The following JAG2 variants were observed in gnomAD, a reference collection of about 807,000 sequenced individuals.
JAG2 encodes jagged canonical Notch ligand 2.
In JAG2, 46 loss-of-function variants were observed where a neutral mutation model predicts 141.7. The ratio of observed to expected loss-of-function variants is 0.32; its 90% confidence interval spans 0.26 to 0.42. The LOEUF is 0.42. Among genes scored for constraint, JAG2 ranks in the 10% least tolerant of loss-of-function variants. The probability of loss-of-function intolerance (pLI) is 1.00; values close to 1 mark genes in which losing one functional copy is unlikely to be tolerated. For missense variants in JAG2, 1,500 were observed against 1,817.5 expected (o/e 0.83, Z 3.18); for synonymous variants, 862 against 763.5 (o/e 1.13, Z -2.13).
At chr14:105,153,892 G>A (rs773908003) in intron 5 of JAG2, among the ~76,000 whole-genome samples, 2 of 152,020 alleles carry the variant, frequency 1.3e-5, no homozygotes, top group African/African-American at 2.4e-5. Flanking sequence ...TGGGCCAGGC[G>A]AGGGTGAGTG....
At chr14:105,152,350 G>A (rs1595180170) in intron 5 of JAG2, 59 bp from the exon 6 acceptor site, 2 of 1,578,394 alleles carry the variant, frequency 1.3e-6, no homozygotes, top group East Asian at 2.3e-5. Context: ...AAGGGTGGCA[G>A]GGGAGCCAGG....
chr14:105,148,012 CAGGTGT>C, intron 17 of JAG2, 98 bp downstream of exon 17: 1 of 1,136,114 alleles, frequency 8.8e-7, no homozygotes, highest in Non-Finnish European at 1.3e-6. Flanking sequence ...GGGCAGGTGG[CAGGTGT>C]GGCCCTCAAA....
At chr14:105,151,592 G>C (rs1208626917) in intron 8 of JAG2, 34 bp downstream of exon 8, 1 of 1,528,944 alleles carries the variant, frequency 6.5e-7, no homozygotes, top group Non-Finnish European at 8.9e-7. Context: ...ACTGATACTA[G>C]GCAGGAGTCC....
In JAG2 at chr14:105,156,005, G is replaced by C; in HGVS notation, c.476-16C>G. ...AGCAGCTCCTCTTGGGGAGGCGGCA[G>C]AGTCAGCACAGGCCAGAGAAACCAG... On this transcript the variant is annotated splice_polypyrimidine_tract_variant and intron_variant, in intron 3 of 25. Transcript: ENST00000331782. The C allele has an allele frequency of 6.3e-7, 1 of 1,599,922 alleles. No individual in the cohort carries two copies. The highest frequency in any genetic ancestry group is 1.3e-5 in the African/African-American group (1 of 75,018).
rs200911938 is a variant in JAG2, at chr14:105,149,067, G to A, written c.1776C>T (p.Asp592=). The change falls in exon 14 of 26, where the codon GAC becomes GAT. Residue 592 remains aspartate, a synonymous_variant. Transcript: ENST00000331782. ...ACRVIDGCGS[D]AGPGMPGTAA... is the part of the protein sequence containing the mutation. Reference sequence around the variant, plus strand: ...CTGTGCCAGGCATCCCAGGCCCCGCGTCTGACCCGCAGCCATCGATCACTA... The same window carrying A: ...CTGTGCCAGGCATCCCAGGCCCCGCATCTGACCCGCAGCCATCGATCACTA... The A allele has an allele frequency of 2.4e-5, 38 of 1,609,654 alleles. No individual in the cohort carries two copies. Among genetic ancestry groups the A allele is most frequent in the East Asian group, 1.1e-4 (5 of 44,742 alleles).
intron 2 of JAG2, among the ~76,000 whole-genome samples, chr14:105,164,048 C>T (rs1888837492): frequency 6.6e-6 from 1 of 152,034 alleles, no homozygotes; most frequent in South Asian, 2.1e-4. Context: ...CCAGGAGGGC[C>T]CCTGAGAGCA....
Position 105,143,604 on chromosome 14 carries a change from C to G in JAG2, c.3119G>C (p.Ser1040Thr). ...FSPARDLPDSSLIQGAAHAIV... is the reference protein window; with the variant it reads ...FSPARDLPDSTLIQGAAHAIV... ...GGCGTGGGCCGCGCCCTGGATCAGGCTGCTGTCAGGCAGGTCCCTGGCAGG... is the reference window on the plus strand; with the variant it reads ...GGCGTGGGCCGCGCCCTGGATCAGGGTGCTGTCAGGCAGGTCCCTGGCAGG... The change falls in exon 25 of 26, where the codon AGC (serine) becomes ACC (threonine). Residue 1040 changes from serine to threonine, a missense_variant. Ser to Thr is a moderately conservative substitution (Grantham distance 58). Around this residue, in one of 3 missense-constraint regions of JAG2, gnomAD observed 425 missense variants for 441.0 expected, o/e 0.96. Transcript: ENST00000331782. 6.2e-7 allele frequency: 1 copy of G among 1,608,394 alleles called. No individual in the cohort carries two copies. Among genetic ancestry groups the G allele is most frequent in the East Asian group, 2.2e-5 (1 of 44,840 alleles).
intron 24 of JAG2, among the ~76,000 whole-genome samples, chr14:105,144,531 G>C (rs776765298): frequency 2.6e-5 from 4 of 151,976 alleles, no homozygotes. Context: ...AGTCTCACCC[G>C]ACCCCCTTGG....
chr14:105,148,356 C>G lies in JAG2; in HGVS notation c.2104G>C (p.Asp702His). The G allele has an allele frequency of 1.9e-6, 3 of 1,611,200 alleles. No individual in the cohort carries two copies. ...TGGCAGGTCTTGCCCTTCCAGCCGT[C>G]GTCGCACGCACAGTAGAAGTCATTG... The part of the protein sequence containing the change: ...LVNDFYCACD[D>H]GWKGKTCHSR... The change falls in exon 16 of 26, where the codon GAC (aspartate) becomes CAC (histidine). Residue 702 changes from aspartate to histidine, a missense_variant. Coordinates refer to ENST00000331782, the MANE Select transcript of JAG2 (RefSeq NM_002226.5).
At position 105,151,702 on chromosome 14, in the gene JAG2, C is replaced by G. The variant is rs1178395259; in HGVS notation, c.1077G>C (p.Gly359=). 5.0e-6 allele frequency: 8 copies of G among 1,611,236 alleles called. No individual in the cohort carries two copies. The Admixed American group carries it at 1.3e-4, about 27-fold the overall frequency. ...CGGACGGCACCTCATGGCAAGAGCCCCCGTTGGCACACGGGTTGGAGGTGC... is the reference window on the plus strand; with the variant it reads ...CGGACGGCACCTCATGGCAAGAGCCGCCGTTGGCACACGGGTTGGAGGTGC... ...HACTSNPCAN[G]GSCHEVPSGF... The change falls in exon 8 of 26, where the codon GGG becomes GGC. Residue 359 remains glycine, a synonymous_variant. Transcript: ENST00000331782.
chr14:105,142,819 G>C lies in JAG2; in HGVS notation c.3593C>G (p.Ser1198Ter). ...GCCAGGATCTTTGGTGAATTTGTGT[G>C]AGAGGAACTTCTCCGCCTCCAGGGA... ...EDSLEAEKFL[S>*]HKFTKDPGRS... Residue 1198 changes from serine to a stop codon, truncating the protein, a stop_gained, in exon 26 of 26, where the codon TCA becomes TGA. Coordinates refer to ENST00000331782, the MANE Select transcript of JAG2 (RefSeq NM_002226.5). LOFTEE classifies it high-confidence loss of function. The C allele has an allele frequency of 1.2e-6, 2 of 1,610,948 alleles. No homozygotes were observed. Among genetic ancestry groups the C allele is most frequent in the Non-Finnish European group, 1.7e-6 (2 of 1,179,012 alleles).
Position 105,150,757 on chromosome 14 carries a change from C to G in JAG2, c.1449G>C (p.Gln483His). 1 of 1,588,206 alleles carries G rather than the reference C, an allele frequency of 6.3e-7. No homozygotes were observed. The highest frequency in any genetic ancestry group is 2.3e-5 in the East Asian group (1 of 43,700). ...CTCCGAAGCCCCGTGGGCACACACACTGGTACCCGTTCACCAGGTCCTGGG... is the reference window on the plus strand; with the variant it reads ...CTCCGAAGCCCCGTGGGCACACACAGTGGTACCCGTTCACCAGGTCCTGGG... ...GTCKDLVNGY[Q>H]CVCPRGFGGR... Residue 483 changes from glutamine to histidine, a missense_variant, in exon 12 of 26, where the codon CAG (glutamine) becomes CAC (histidine). This residue lies in a region of JAG2 where 875 missense variants were observed against 1,202.2 expected (regional missense o/e 0.73). Transcript: ENST00000331782.
intron 3 of JAG2, 102 bp from the exon 4 acceptor site, chr14:105,156,091 G>T: frequency 6.9e-7 from 1 of 1,445,230 alleles, no homozygotes; most frequent in Non-Finnish European, 9.3e-7. Flanking sequence ...CTGCTGCAAG[G>T]CCGGGGCACA....
In JAG2 at chr14:105,147,994, G is replaced by A. The variant is rs2140974300; in HGVS notation, c.2249-106C>T. The A allele has an allele frequency of 3.5e-6, 4 of 1,132,710 alleles. No individual in the cohort carries two copies. In the South Asian group the frequency reaches 4.0e-5, roughly 11 times the overall value. 70.2% of individuals were successfully genotyped at this position (1,132,710 alleles called of 1,614,324 possible). A position where few individuals can be genotyped will look rare whatever the true frequency, so the allele number is the denominator to read the frequency against. ...ACAGGGCAGACAGACCCGGGGGCAGGGGGCAGGGGGCAGGTGGCAGGTGTG... is the reference window on the plus strand; with the variant it reads ...ACAGGGCAGACAGACCCGGGGGCAGAGGGCAGGGGGCAGGTGGCAGGTGTG... On this transcript the variant is annotated intron_variant, in intron 17 of 25. Coordinates refer to ENST00000331782, the MANE Select transcript of JAG2 (RefSeq NM_002226.5).
At chr14:105,159,441 C>T (rs1158776711) in intron 2 of JAG2, among the ~76,000 whole-genome samples, 2 of 151,936 alleles carry the variant, frequency 1.3e-5, no homozygotes, top group African/African-American at 2.4e-5. Context: ...CGCCAGGCCA[C>T]GGGGCCCAGT....
Position 105,156,503 on chromosome 14 carries a change from C to A in JAG2, c.476-514G>T, listed in dbSNP as rs3784242. Among the ~76,000 whole-genome samples the A allele has an allele frequency of 4.9e-4, 74 of 152,294 alleles. 1 individual carries two copies. In the East Asian group the frequency reaches 0.014, roughly 29 times the overall value. ...GTCCCCACCTTAAGACAAGCCTCCCCTCAGGCCCCCAAGACAGGCATAGGT... is the reference window on the plus strand; with the variant it reads ...GTCCCCACCTTAAGACAAGCCTCCCATCAGGCCCCCAAGACAGGCATAGGT... On this transcript the variant is annotated intron_variant, in intron 3 of 25. Transcript: ENST00000331782.
chr14:105,143,391 G>T, intron 25 of JAG2, 91 bp downstream of exon 25: 1 of 1,458,930 alleles, frequency 6.9e-7, no homozygotes, highest in Non-Finnish European at 9.3e-7. Context: ...GTTCCTGGTG[G>T]CTGGCAGGAT....
intron 2 of JAG2, among the ~76,000 whole-genome samples, chr14:105,166,147 C>T (rs1236297267): frequency 3.9e-5 from 6 of 152,234 alleles, no homozygotes; most frequent in Admixed American, 3.3e-4. Flanking sequence ...GTGAGCTGGC[C>T]CCGAAACCCA....
chr14:105,155,975 C>T lies in JAG2; in HGVS notation c.490G>A (p.Glu164Lys), dbSNP rs1888570315. The T allele has an allele frequency of 1.2e-6, 2 of 1,605,504 alleles. No homozygotes were observed. Among genetic ancestry groups the T allele is most frequent in the African/African-American group, 1.3e-5 (1 of 75,040 alleles). Residue 164 changes from glutamate to lysine, a missense_variant, in exon 4 of 26, where the codon GAG (glutamate) becomes AAG (lysine). Transcript: ENST00000331782. ...DTTPNEELLI[E>K]RVSHAGMINP... is the part of the protein sequence containing the mutation. ...ATCATGCCGGCATGCGACACTCGCT[C>T]GATCAGCAGCTCCTCTTGGGGAGGC...
Sources: allele counts gnomAD v4.1 joint callset (sites outside exome capture counted in the v4.1 genomes callset), GRCh38; gene constraint gnomAD v4.1.1; regional missense constraint gnomAD v4.1.1; transcripts MANE v1.5; gene names NCBI Gene and HGNC (gene_info 2026-07-23, HGNC 2026-07-21).